SLC16A12: variants seen among roughly 807,000 people sequenced by gnomAD.
SLC16A12 encodes the protein monocarboxylate transporter 12.
SLC16A12 carries 17 observed loss-of-function variants against 42.4 expected under a neutral mutation model. That is an observed-to-expected ratio of 0.40 (90% CI 0.27 to 0.60). SLC16A12 has a LOEUF of 0.60. Among genes scored for constraint, SLC16A12 ranks in the 20% least tolerant of loss-of-function variants. SLC16A12 has a pLI of 0.42. For synonymous variants in SLC16A12, 224 were observed against 229.4 expected, an observed-to-expected ratio of 0.98 and a Z score of 0.21; for missense variants, 544 against 623.0, an observed-to-expected ratio of 0.87 and a Z score of 1.35.
At chr10:89,494,920 T>A (rs773961653) in intron 2 of SLC16A12, among the ~76,000 whole-genome samples, 12 of 152,296 alleles carry the variant, frequency 7.9e-5, no homozygotes, top group Non-Finnish European at 1.8e-4. Context: ...CTACATACTG[T>A]TCTTGGAGAT....
intron 2 of SLC16A12, among the ~76,000 whole-genome samples, chr10:89,527,381 G>A (rs1843471179): frequency 6.6e-6 from 1 of 151,986 alleles, no homozygotes; most frequent in South Asian, 2.1e-4. Flanking sequence ...TACTCAGGAG[G>A]CTGAGGCAGG....
intron 2 of SLC16A12, among the ~76,000 whole-genome samples, chr10:89,479,442 A>T (rs1842630808): frequency 1.3e-5 from 2 of 152,212 alleles, no homozygotes; most frequent in African/African-American, 4.8e-5. Flanking sequence ...AGTGACTACA[A>T]CTTGGCTCCT....
intron 2 of SLC16A12, among the ~76,000 whole-genome samples, chr10:89,483,183 C>G (rs1448898899): frequency 1.3e-5 from 2 of 152,106 alleles, no homozygotes; most frequent in African/African-American, 4.8e-5. Flanking sequence ...TGTGAGTTCT[C>G]TGGCATCTCT....
chr10:89,484,039 G>A lies in SLC16A12; in HGVS notation c.-46-21415C>T, dbSNP rs562985627. Among the ~76,000 whole-genome samples the A allele has an allele frequency of 8.5e-5, 13 of 152,214 alleles. No individual in the cohort carries two copies. In the East Asian group the frequency reaches 1.4e-3, roughly 16 times the overall value. The stretch of plus-strand genomic sequence containing the variant: ...GTGGCACATGAGTGTAATCCCAGCC[G>A]CCTACTCAGGAAGCTGACATGGGTG... On this transcript the variant is annotated intron_variant, in intron 2 of 7. Transcript: ENST00000371790.
rs760181506 is a variant in SLC16A12, at chr10:89,443,840, C to CA, written c.219dup (p.Val74CysfsTer37). 41 of 1,610,558 alleles carry CA rather than the reference C, an allele frequency of 2.5e-5. No homozygotes were observed. Among genetic ancestry groups the CA allele is most frequent in the Non-Finnish European group, 3.2e-5 (38 of 1,177,048 alleles). ...TGAGTGAAGTATGTCTGGAACTCCA[C>CA]AAAAAAAATTGAGATACATCTGAAA... On this transcript the variant is annotated frameshift_variant, in exon 4 of 8. Coordinates refer to ENST00000371790, the MANE Select transcript of SLC16A12 (RefSeq NM_213606.4). LOFTEE classifies it high-confidence loss of function.
intron 3 of SLC16A12, among the ~76,000 whole-genome samples, chr10:89,455,029 T>A (rs1222991433): frequency 6.6e-6 from 1 of 151,958 alleles, no homozygotes; most frequent in African/African-American, 2.4e-5. Context: ...GAAGTGAAAA[T>A]GATTGAGTAG....
intron 2 of SLC16A12, among the ~76,000 whole-genome samples, chr10:89,470,514 C>A (rs571122941): frequency 6.6e-6 from 1 of 152,284 alleles, no homozygotes; most frequent in South Asian, 2.1e-4. Context: ...CTAGGTGGCA[C>A]AGAAGTGATG....
intron 2 of SLC16A12, among the ~76,000 whole-genome samples, chr10:89,480,777 A>T (rs2133786040): frequency 6.6e-6 from 1 of 152,350 alleles, no homozygotes; most frequent in Admixed American, 6.5e-5. Flanking sequence ...TGCTATGCAG[A>T]CAACACAAAA....
At chr10:89,510,259 A>T (rs1375507657) in intron 2 of SLC16A12, among the ~76,000 whole-genome samples, 2 of 152,242 alleles carry the variant, frequency 1.3e-5, no homozygotes, top group Non-Finnish European at 2.9e-5. Context: ...GGAACCATAA[A>T]AGAGCCTGCA....
At chr10:89,467,470 A>G (rs1465465341) in intron 2 of SLC16A12, among the ~76,000 whole-genome samples, 1 of 152,234 alleles carries the variant, frequency 6.6e-6, no homozygotes, top group African/African-American at 2.4e-5. Context: ...ATGTTTAACA[A>G]CCGGGAAGTG....
intron 3 of SLC16A12, among the ~76,000 whole-genome samples, chr10:89,445,044 G>C (rs1405646656): frequency 6.6e-6 from 1 of 152,262 alleles, no homozygotes; most frequent in Non-Finnish European, 1.5e-5. Context: ...CCCGGCTGCG[G>C]GAGGGGCATC....
At chr10:89,505,233 GGTGAA>G in intron 2 of SLC16A12, among the ~76,000 whole-genome samples, 1 of 152,020 alleles carries the variant, frequency 6.6e-6, no homozygotes, top group African/African-American at 2.4e-5. Context: ...TGGCTAACAT[GGTGAA>G]ACCCCATCTC....
rs1339583742 is a variant in SLC16A12, at chr10:89,535,434, C to G, written c.-187+8G>C. 1.3e-5 allele frequency: 2 copies of G among 153,062 alleles called. No homozygotes were observed. Among genetic ancestry groups the G allele is most frequent in the South Asian group, 2.1e-4 (1 of 4,840 alleles). 9.5% of individuals were successfully genotyped at this position (153,062 alleles called of 1,614,324 possible). ...CCGCCGCCCTTCCTTGAAGGATGCC[C>G]GTGTCACCTGAGCCACCGCGCCCTC... On this transcript the variant is annotated splice_region_variant and intron_variant, in intron 1 of 7. Transcript: ENST00000371790.
chr10:89,524,710 G>A (rs1184409665), intron 2 of SLC16A12, among the ~76,000 whole-genome samples: 2 of 152,200 alleles, frequency 1.3e-5, no homozygotes, highest in South Asian at 2.1e-4. Context: ...CTCCTGGGAA[G>A]TATCTTCCCC....
chr10:89,446,091 G>A (rs953621167), intron 3 of SLC16A12, among the ~76,000 whole-genome samples: 1 of 152,178 alleles, frequency 6.6e-6, no homozygotes, highest in Non-Finnish European at 1.5e-5. Flanking sequence ...AAGCCTCCAA[G>A]AAATATGGGA....
intron 4 of SLC16A12, 109 bp downstream of exon 4, chr10:89,443,647 A>C: frequency 1.2e-6 from 1 of 822,214 alleles, no homozygotes; most frequent in Non-Finnish European, 2.1e-6. Context: ...CCAGTTTTTA[A>C]TGTAGCCCTT....
At chr10:89,514,764 T>C (rs1843220233) in intron 2 of SLC16A12, among the ~76,000 whole-genome samples, 2 of 152,118 alleles carry the variant, frequency 1.3e-5, no homozygotes, top group Admixed American at 1.3e-4. Context: ...CAATCCACAA[T>C]AGTGCCCACT....
chr10:89,461,747 C>CT (rs1470316181), intron 3 of SLC16A12, among the ~76,000 whole-genome samples: 4 of 152,194 alleles, frequency 2.6e-5, no homozygotes, highest in Non-Finnish European at 5.9e-5. Flanking sequence ...GAGAAACACA[C>CT]TTGTAGAAAT....
chr10:89,449,131 T>C (rs1842049987), intron 3 of SLC16A12, among the ~76,000 whole-genome samples: 1 of 152,194 alleles, frequency 6.6e-6, no homozygotes, highest in African/African-American at 2.4e-5. Context: ...TGGAATAACA[T>C]TCCATGCTCG....
Sources: gnomAD v4.1 joint callset for allele counts (sites outside exome capture counted in the v4.1 genomes callset) on GRCh38, gnomAD v4.1.1 for gene constraint, MANE v1.5 for transcripts, NCBI Gene and HGNC (gene_info 2026-07-23, HGNC 2026-07-21) for gene names.